The following STAB2 variants were observed in gnomAD, a reference collection of about 807,000 sequenced individuals.
STAB2 encodes stabilin 2.
In STAB2, 288 loss-of-function variants were observed where a neutral mutation model predicts 338.1. The observed-to-expected ratio is 0.85, with a 90% CI of 0.77 to 0.94. STAB2 has a LOEUF of 0.94. Among genes scored for constraint, STAB2 ranks in the 40% least tolerant of loss-of-function variants. The pLI is 0.00. For synonymous variants in STAB2, 1,202 were observed against 1,193.3 expected (o/e 1.01, Z -0.15); for missense variants, 3,141 against 3,210.1 (o/e 0.98, Z 0.52).
chr12:103,746,696 C>T lies in STAB2; in HGVS notation c.6236C>T (p.Thr2079Ile). The T allele has an allele frequency of 6.2e-7, 1 of 1,613,770 alleles. No homozygotes were observed. Among genetic ancestry groups the T allele is most frequent in the Non-Finnish European group, 8.5e-7 (1 of 1,179,842 alleles). ...CTGGATTATGAAGGTGACGGAATCA[C>T]ATGCACAGGTAAGCCACCTTTGTGC... ...CNLDYEGDGI[T>I]CTVVDFCKQD... The change falls in exon 58 of 69, where the codon ACA (threonine) becomes ATA (isoleucine). Residue 2079 changes from threonine (T) to isoleucine (I), a missense_variant. By Grantham distance (89) the Thr-to-Ile change is moderately conservative. Transcript: ENST00000388887.
intron 4 of STAB2, among the ~76,000 whole-genome samples, chr12:103,621,654 C>T (rs550842784): frequency 3.3e-5 from 5 of 152,252 alleles, no homozygotes; most frequent in Admixed American, 1.3e-4. Flanking sequence ...ACCTGGGAGG[C>T]GGAGGTTTCA....
chr12:103,615,772 A>T (rs117953689), intron 3 of STAB2, among the ~76,000 whole-genome samples: 3 of 152,278 alleles, frequency 2.0e-5, no homozygotes, highest in Non-Finnish European at 2.9e-5. Flanking sequence ...GCACCTCTTC[A>T]CAGGGTGGCA....
Position 103,726,177 on chromosome 12 carries a change from A to G in STAB2, c.4851+14A>G. On this transcript the variant is annotated intron_variant, in intron 46 of 68. Coordinates refer to ENST00000388887, the MANE Select transcript of STAB2 (RefSeq NM_017564.10). The stretch of plus-strand genomic sequence containing the variant: ...TTCCAGTTGCAGGTAGGAAATATAC[A>G]TGTCTGTCTAGCCATAAGAGTTCAG... 6.2e-7 allele frequency: 1 copy of G among 1,613,694 alleles called. No homozygotes were observed. Among genetic ancestry groups the G allele is most frequent in the Non-Finnish European group, 8.5e-7 (1 of 1,179,690 alleles).
chr12:103,674,158 CTG>C (rs888485575), intron 23 of STAB2, 71 bp downstream of exon 23: 1 of 1,522,396 alleles, frequency 6.6e-7, no homozygotes, highest in Non-Finnish European at 8.9e-7. Flanking sequence ...CTTAATGACG[CTG>C]TGTTACCTGT....
rs1331431857 is a variant in STAB2, at chr12:103,703,180, CAATG to C, written c.3748_3751del (p.Asn1250Ter). On this transcript the variant is annotated frameshift_variant, in exon 35 of 69. Coordinates refer to ENST00000388887, the MANE Select transcript of STAB2 (RefSeq NM_017564.10). LOFTEE classifies it high-confidence loss of function. The stretch of plus-strand genomic sequence containing the variant: ...TAAATGAGGCTCCAATAAACTACAC[CAATG>C]TAGCCACTGATAAGGGAGTGATCCA... The C allele has an allele frequency of 1.9e-6, 3 of 1,613,882 alleles. No individual in the cohort carries two copies. The highest frequency in any genetic ancestry group is 2.5e-6 in the Non-Finnish European group (3 of 1,180,008).
chr12:103,737,142 C>T (rs1020140652), intron 52 of STAB2, among the ~76,000 whole-genome samples: 10 of 152,186 alleles, frequency 6.6e-5, no homozygotes, highest in African/African-American at 2.4e-4. Flanking sequence ...GGCACATCAG[C>T]GAAGTTCATC....
At chr12:103,655,220 C>G in intron 13 of STAB2, 31 bp from the exon 14 acceptor site, 1 of 1,582,992 alleles carries the variant, frequency 6.3e-7, no homozygotes. Flanking sequence ...TATTTTATTT[C>G]CTGATTTTTA....
chr12:103,669,661 A>G (rs756991020), intron 21 of STAB2, 34 bp downstream of exon 21: 1 of 1,581,814 alleles, frequency 6.3e-7, no homozygotes, highest in South Asian at 1.1e-5. Context: ...CATAAGTCAA[A>G]TCAAACAATA....
At position 103,750,736 on chromosome 12, in the gene STAB2, GC is replaced by G; in HGVS notation, c.6580+18del. On this transcript the variant is annotated intron_variant, in intron 60 of 68. Transcript: ENST00000388887. ...CACTTCCAGGGTTAGTGTGACCAGG[GC>G]CTATGGCCCAAAGCACCCTCCTCTT... 1 of 1,604,726 alleles carries G rather than the reference GC, an allele frequency of 6.2e-7. No homozygotes were observed. Among genetic ancestry groups the G allele is most frequent in the Non-Finnish European group, 8.5e-7 (1 of 1,172,950 alleles).
chr12:103,759,212 C>T lies in STAB2; in HGVS notation c.7187C>T (p.Thr2396Ile), dbSNP rs1884360169. Residue 2396 changes from threonine to isoleucine, a missense_variant, in exon 65 of 69, where the codon ACC (threonine) becomes ATC (isoleucine). By Grantham distance (89) the Thr-to-Ile change is moderately conservative. Transcript: ENST00000388887. Reference protein sequence around the residue: ...FFYNDLVNGTTLQTRLGSKLL... With the variant: ...FFYNDLVNGTILQTRLGSKLL... Reference sequence around the variant, plus strand: ...TACAATGACCTTGTCAATGGCACCACCCTGCAAACGAGGCTGGGAAGCAAG... The same window carrying T: ...TACAATGACCTTGTCAATGGCACCATCCTGCAAACGAGGCTGGGAAGCAAG... The T allele has an allele frequency of 1.2e-6, 2 of 1,614,080 alleles. No homozygotes were observed. Among genetic ancestry groups the T allele is most frequent in the Non-Finnish European group, 1.7e-6 (2 of 1,180,052 alleles).
intron 33 of STAB2, 89 bp downstream of exon 33, chr12:103,695,933 C>A: frequency 8.1e-7 from 1 of 1,238,336 alleles, no homozygotes; most frequent in Non-Finnish European, 1.2e-6. Context: ...TGCCATTTCA[C>A]TCCTTCATCC....
At position 103,703,199 on chromosome 12, in the gene STAB2, G is replaced by T; in HGVS notation, c.3766G>T (p.Gly1256Ter). The part of the protein sequence containing the change: ...INYTNVATDK[G>*]VIHGLGKVLE... ...CTACACCAATGTAGCCACTGATAAG[G>T]GAGTGATCCATGGCTTGGGAAAAGT... The change falls in exon 35 of 69, where the codon GGA becomes TGA. Residue 1256 changes from glycine (G) to a stop codon, truncating the protein, a stop_gained. Coordinates refer to ENST00000388887, the MANE Select transcript of STAB2 (RefSeq NM_017564.10). LOFTEE classifies it high-confidence loss of function. 1 of 1,613,966 alleles carries T rather than the reference G, an allele frequency of 6.2e-7. No individual in the cohort carries two copies.
intron 28 of STAB2, among the ~76,000 whole-genome samples, chr12:103,688,481 C>T (rs567093158): frequency 7.2e-4 from 109 of 152,318 alleles, no homozygotes; most frequent in African/African-American, 2.4e-3. Flanking sequence ...AAGGGGGCTT[C>T]ATTCATCACA....
At position 103,695,623 on chromosome 12, in the gene STAB2, A is replaced by T; in HGVS notation, c.3449A>T (p.Tyr1150Phe). ...ATGCGGCTGGAACAGATGCCTGACTATTCCATCTTCCGGGGCTACATCATT... is the reference window on the plus strand; with the variant it reads ...ATGCGGCTGGAACAGATGCCTGACTTTTCCATCTTCCGGGGCTACATCATT... Reference protein sequence around the residue: ...LLMRLEQMPDYSIFRGYIIQY... With the variant: ...LLMRLEQMPDFSIFRGYIIQY... The change falls in exon 32 of 69, where the codon TAT becomes TTT. Residue 1150 changes from tyrosine (Y) to phenylalanine (F), a missense_variant. Coordinates refer to ENST00000388887, the MANE Select transcript of STAB2 (RefSeq NM_017564.10). The T allele has an allele frequency of 6.2e-7, 1 of 1,614,176 alleles. No homozygotes were observed. The highest frequency in any genetic ancestry group is 8.5e-7 in the Non-Finnish European group (1 of 1,180,014).
chr12:103,732,621 C>T (rs568578678), intron 50 of STAB2, among the ~76,000 whole-genome samples: 16 of 152,114 alleles, frequency 1.1e-4, no homozygotes, highest in Non-Finnish European at 2.2e-4. Context: ...GCCTGGGCAA[C>T]ATGGCGAAAC....
chr12:103,614,815 A>C (rs1476933618), intron 3 of STAB2, among the ~76,000 whole-genome samples: 1 of 152,120 alleles, frequency 6.6e-6, no homozygotes, highest in East Asian at 1.9e-4. Flanking sequence ...ATTCTACATA[A>C]ATTTGTCGAG....
At chr12:103,615,447 G>A (rs1187078422) in intron 3 of STAB2, among the ~76,000 whole-genome samples, 1 of 152,130 alleles carries the variant, frequency 6.6e-6, no homozygotes, top group Non-Finnish European at 1.5e-5. Flanking sequence ...CACCCACAGA[G>A]GAAGCCTGCA....
intron 67 of STAB2, among the ~76,000 whole-genome samples, chr12:103,762,977 G>A (rs1447945427): frequency 6.6e-6 from 1 of 152,124 alleles, no homozygotes; most frequent in Non-Finnish European, 1.5e-5. Flanking sequence ...CTCCTCTCTG[G>A]CCCACCCTCT....
chr12:103,652,033 CAG>C (rs1873782844), intron 11 of STAB2, among the ~76,000 whole-genome samples: 1 of 152,220 alleles, frequency 6.6e-6, no homozygotes, highest in East Asian at 1.9e-4. Context: ...ATAGTTTACA[CAG>C]AGTTAATATA....
Sources: gnomAD v4.1 joint callset for allele counts (sites outside exome capture counted in the v4.1 genomes callset) on GRCh38, gnomAD v4.1.1 for gene constraint, MANE v1.5 for transcripts, NCBI Gene and HGNC (gene_info 2026-07-23, HGNC 2026-07-21) for gene names.